Variants in FAM72A observed in about 807,000 individuals in gnomAD.
The protein encoded by FAM72A is regulator of UNG2 and MKLN1 interacting yippee protein 1.
FAM72A carries 1 observed loss-of-function variant against 11.3 expected under a neutral mutation model. That is an observed-to-expected ratio of 0.09 (90% CI 0.03 to 0.42). FAM72A has a LOEUF of 0.42. FAM72A is among the 10% of genes least tolerant of loss of function. FAM72A has a pLI of 0.98. For synonymous variants in FAM72A, 5 were observed against 46.9 expected, an observed-to-expected ratio of 0.11 and a Z score of 3.65; for missense variants, 15 against 135.5, an observed-to-expected ratio of 0.11 and a Z score of 4.41.
At chr1:206,196,112 A>C (rs561270453) in intron 2 of FAM72A, among the ~76,000 whole-genome samples, 20 of 147,828 alleles carry the variant, frequency 1.4e-4, no homozygotes, top group Non-Finnish European at 2.1e-4. Context: ...TATTATTATT[A>C]TTATTATTGA....
chr1:206,187,601 G>A (rs1421656234), intron 3 of FAM72A, among the ~76,000 whole-genome samples: 1 of 152,046 alleles, frequency 6.6e-6, no homozygotes, highest in Non-Finnish European at 1.5e-5. Context: ...TGCCCAGGCT[G>A]GAGTGCCTGG....
At chr1:206,204,355 C>CTCTCGCT (rs1260034317), upstream of FAM72A, 1 of 341,972 alleles carries the variant, frequency 2.9e-6, no homozygotes, top group Non-Finnish European at 5.6e-6. Flanking sequence ...TCACACCCGC[C>CTCTCGCT]TCTCGCTTCC....
intron 2 of FAM72A, among the ~76,000 whole-genome samples, chr1:206,198,772 C>G (rs1665206255): frequency 6.9e-6 from 1 of 144,728 alleles, no homozygotes; most frequent in Admixed American, 6.9e-5. Flanking sequence ...AAATTTCTAT[C>G]TTAATAAGAC....
At chr1:206,196,245 AG>A (rs1311541606) in intron 2 of FAM72A, among the ~76,000 whole-genome samples, 1 of 40,792 alleles carries the variant, frequency 2.5e-5, no homozygotes, top group African/African-American at 1.1e-4. Flanking sequence ...CACCATGCCC[AG>A]CTAACTTTTG....
At chr1:206,197,935 C>T (rs1345155111) in intron 2 of FAM72A, among the ~76,000 whole-genome samples, 2 of 146,910 alleles carry the variant, frequency 1.4e-5, no homozygotes, top group African/African-American at 2.5e-5. Flanking sequence ...AAAAAAATGT[C>T]GTTGCCCAGG....
upstream of FAM72A, chr1:206,203,683 C>T (rs1480861533): frequency 2.2e-5 from 20 of 891,478 alleles, no homozygotes; most frequent in Non-Finnish European, 3.4e-5. Context: ...TTTTCTTCCT[C>T]CCGGCCGCCG....
upstream of FAM72A, chr1:206,203,806 T>A: frequency 2.0e-6 from 3 of 1,531,038 alleles, no homozygotes; most frequent in Non-Finnish European, 2.6e-6. Flanking sequence ...CCGCCCCCCC[T>A]CCACCCTCTC....
rs1664563414 is a variant in FAM72A at position 206,186,914 on chromosome 1, T to C, written c.*365A>G. The C allele has an allele frequency of 5.4e-6, 1 of 183,566 alleles. No individual in the cohort carries two copies. Among genetic ancestry groups the C allele is most frequent in the Non-Finnish European group, 1.1e-5 (1 of 89,148 alleles). The allele number at this position is 183,566 out of a possible 1,614,324, so 11.4% of individuals were successfully genotyped here. A position where few individuals can be genotyped will look rare whatever the true frequency, so the allele number is the denominator to read the frequency against. ...TATGCATGGTTGAAATATGCGTGGGTACTAGGCCTTTATTCAGGAATGTAA... is the reference window on the plus strand; with the variant it reads ...TATGCATGGTTGAAATATGCGTGGGCACTAGGCCTTTATTCAGGAATGTAA... On this transcript the variant is annotated 3_prime_UTR_variant, in exon 4 of 4. Transcript: ENST00000367128.
intron 3 of FAM72A, among the ~76,000 whole-genome samples, chr1:206,189,450 C>T (rs559827896): frequency 1.1e-4 from 15 of 142,540 alleles, no homozygotes; most frequent in African/African-American, 3.7e-4. Context: ...TAATAGAAAA[C>T]GCTACCCCAC....
At chr1:206,193,515 C>T (rs1664906004) in intron 3 of FAM72A, among the ~76,000 whole-genome samples, 1 of 152,178 alleles carries the variant, frequency 6.6e-6, no homozygotes, top group East Asian at 1.9e-4. Context: ...ATACACAAAA[C>T]AGCCTTCTAT....
chr1:206,191,831 G>A (rs1370944342), intron 3 of FAM72A, among the ~76,000 whole-genome samples: 2 of 150,704 alleles, frequency 1.3e-5, no homozygotes, highest in Non-Finnish European at 1.5e-5. Flanking sequence ...AGGTTCAAGG[G>A]GGGTTTCATC....
chr1:206,203,598 G>C (rs372172466), upstream of FAM72A: 2 of 595,790 alleles, frequency 3.4e-6, no homozygotes, highest in Non-Finnish European at 3.0e-6. Flanking sequence ...GGGGAGGAGA[G>C]CTCTGAGTGG....
At chr1:206,203,127 A>C (rs567389699), upstream of FAM72A, 1 of 186,776 alleles carries the variant, frequency 5.4e-6, no homozygotes, top group South Asian at 1.9e-4. Flanking sequence ...CCCTAGTGAA[A>C]GTGGCAAGGC....
upstream of FAM72A, chr1:206,205,110 GC>G (rs1665792552): frequency 1.3e-5 from 2 of 152,146 alleles, no homozygotes; most frequent in Middle Eastern, 6.8e-3. Context: ...GCTCCCTCGG[GC>G]TGGCCGCTGC....
At chr1:206,189,051 A>G in intron 3 of FAM72A, among the ~76,000 whole-genome samples, 1 of 150,154 alleles carries the variant, frequency 6.7e-6, no homozygotes, top group East Asian at 2.0e-4. Context: ...AATTTTGTAT[A>G]GAATGTTATT....
intron 3 of FAM72A, among the ~76,000 whole-genome samples, chr1:206,193,217 A>C (rs1404176555): frequency 7.1e-6 from 1 of 141,634 alleles, no homozygotes. Flanking sequence ...CCGGCCTCTT[A>C]TTCCTTTTTT....
At chr1:206,199,009 G>C (rs1665224648) in intron 2 of FAM72A, among the ~76,000 whole-genome samples, 1 of 151,224 alleles carries the variant, frequency 6.6e-6, no homozygotes, top group African/African-American at 2.4e-5. Flanking sequence ...TTGAACCTGG[G>C]AGGTGGAGGT....
chr1:206,198,887 T>C (rs1280487718), intron 2 of FAM72A, among the ~76,000 whole-genome samples: 3 of 108,074 alleles, frequency 2.8e-5, no homozygotes, highest in Admixed American at 2.3e-4. Flanking sequence ...CTGACCAACA[T>C]GGAGAAATCC....
chr1:206,191,335 A>G (rs534760140), intron 3 of FAM72A, among the ~76,000 whole-genome samples: 1,549 of 109,382 alleles, frequency 0.014, 33 homozygotes, highest in African/African-American at 0.051. Context: ...CAGGCCAGGC[A>G]TGGTGACTCA....
Sources: allele counts gnomAD v4.1 joint callset (sites outside exome capture counted in the v4.1 genomes callset), GRCh38; gene constraint gnomAD v4.1.1; transcripts MANE v1.5; gene names NCBI Gene and HGNC (gene_info 2026-07-23, HGNC 2026-07-21).